The following SFRP2 variants were observed in gnomAD, a reference collection of about 807,000 sequenced individuals.
The protein encoded by SFRP2 is secreted frizzled related protein 2.
SFRP2 carries 16 observed loss-of-function variants against 26.0 expected under a neutral mutation model. That is an observed-to-expected ratio of 0.61 (90% CI 0.42 to 0.93). SFRP2 has a LOEUF of 0.93. Ranked by LOEUF, SFRP2 falls within the 40% of genes least tolerant of loss-of-function variation. SFRP2 has a pLI of 0.00. For missense variants in SFRP2, 343 were observed against 392.4 expected (o/e 0.87, Z 1.06); for synonymous variants, 173 against 167.3 (o/e 1.03, Z -0.26).
At chr4:153,787,955 A>G (rs1054521383) in intron 1 of SFRP2, among the ~76,000 whole-genome samples, 1 of 152,246 alleles carries the variant, frequency 6.6e-6, no homozygotes, top group Admixed American at 6.5e-5. Context: ...CTCCTCCACC[A>G]AACACCACTT....
At chr4:153,782,120 A>G (rs146847678) in intron 2 of SFRP2, among the ~76,000 whole-genome samples, 187 of 152,326 alleles carry the variant, frequency 1.2e-3, no homozygotes, top group Non-Finnish European at 1.6e-3. Context: ...AAACTTAAGC[A>G]TGAAAAGAAA....
In SFRP2 at chr4:153,781,430, G is replaced by C. The variant is rs754080507; in HGVS notation, c.*21C>G. The C allele has an allele frequency of 2.7e-5, 43 of 1,601,986 alleles. No homozygotes were observed. Among genetic ancestry groups the C allele is most frequent in the Admixed American group, 5.0e-5 (3 of 59,870 alleles). ...AGCCGTGCTCTGGAGCAGGCCTGTC[G>C]GAGCCATCAGGATGCCGGGACTAGC... On this transcript the variant is annotated 3_prime_UTR_variant, in exon 3 of 3. Coordinates refer to ENST00000274063, the MANE Select transcript of SFRP2 (RefSeq NM_003013.3).
chr4:153,786,712 C>T (rs1161504514), intron 1 of SFRP2, among the ~76,000 whole-genome samples: 1 of 152,040 alleles, frequency 6.6e-6, no homozygotes, highest in African/African-American at 2.4e-5. Flanking sequence ...TCAAAACAAA[C>T]AAATAAATAA....
intron 1 of SFRP2, 135 bp from the exon 2 acceptor site, chr4:153,786,079 A>G (rs972504855): frequency 1.2e-5 from 6 of 508,576 alleles, no homozygotes; most frequent in Middle Eastern, 3.5e-4. Flanking sequence ...TGCCTCCTCT[A>G]TAAAAGCAGG....
At position 153,781,788 on chromosome 4, in the gene SFRP2, TATA is replaced by T. The variant is rs762008694; in HGVS notation, c.584-36_584-34del. ...GGAGGGCAGAAAGAGTCATGCCAGTTATAATGAGGGAATACAGTATACCTCCCC... is the reference window on the plus strand; with the variant it reads ...GGAGGGCAGAAAGAGTCATGCCAGTTATGAGGGAATACAGTATACCTCCCC... On this transcript the variant is annotated intron_variant, in intron 2 of 2. Coordinates refer to ENST00000274063, the MANE Select transcript of SFRP2 (RefSeq NM_003013.3). 5.1e-6 allele frequency: 8 copies of T among 1,580,990 alleles called. No individual in the cohort carries two copies. The African/African-American group carries it at 6.7e-5, about 13-fold the overall frequency.
At chr4:153,784,261 T>C (rs997002750) in intron 2 of SFRP2, among the ~76,000 whole-genome samples, 1 of 152,258 alleles carries the variant, frequency 6.6e-6, no homozygotes, top group African/African-American at 2.4e-5. Flanking sequence ...GATATTTTTC[T>C]ATCTTGCCCT....
Position 153,785,554 on chromosome 4 carries a change from C to CAAAAAAAAAAAAAAAAAAAAAAAAAAA in SFRP2, c.583+309_583+310insTTTTTTTTTTTTTTTTTTTTTTTTTTT. Among the ~76,000 whole-genome samples the CAAAAAAAAAAAAAAAAAAAAAAAAAAA allele has an allele frequency of 4.3e-5, 2 of 46,470 alleles. 1 individual carries two copies. Among genetic ancestry groups the CAAAAAAAAAAAAAAAAAAAAAAAAAAA allele is most frequent in the Non-Finnish European group, 7.7e-5 (2 of 25,868 alleles). 30.5% of individuals were successfully genotyped at this position (46,470 alleles called of 152,430 possible). ...TAGAACTCGGGATTATGCCTGTCGGCAAAAAAAAAAAAAAAAAAAAAGGGA... is the reference window on the plus strand; with the variant it reads ...TAGAACTCGGGATTATGCCTGTCGGCAAAAAAAAAAAAAAAAAAAAAAAAAAAAAAAAAAAAAAAAAAAAAAAAGGGA... On this transcript the variant is annotated intron_variant, in intron 2 of 2. Coordinates refer to ENST00000274063, the MANE Select transcript of SFRP2 (RefSeq NM_003013.3).
At chr4:153,786,070 GCCT>G in intron 1 of SFRP2, 126 bp from the exon 2 acceptor site, 1 of 505,276 alleles carries the variant, frequency 2.0e-6, no homozygotes, top group South Asian at 3.5e-5. Context: ...CTCAGCTTCT[GCCT>G]CCTCTATAAA....
At chr4:153,786,951 C>T in intron 1 of SFRP2, among the ~76,000 whole-genome samples, 1 of 151,568 alleles carries the variant, frequency 6.6e-6, no homozygotes, top group African/African-American at 2.4e-5. Context: ...GAGATTTTCA[C>T]TAATGTGAAA....
At chr4:153,788,099 C>T (rs952008038) in intron 1 of SFRP2, among the ~76,000 whole-genome samples, 3 of 152,174 alleles carry the variant, frequency 2.0e-5, no homozygotes, top group South Asian at 4.1e-4. Context: ...TTAAACTGCC[C>T]TTAAGTATAG....
Position 153,781,034 on chromosome 4 carries a change from A to G in SFRP2, c.*417T>C, listed in dbSNP as rs1741109951. On this transcript the variant is annotated 3_prime_UTR_variant, in exon 3 of 3. Coordinates refer to ENST00000274063, the MANE Select transcript of SFRP2 (RefSeq NM_003013.3). ...GGTTTGTGACCCACAAGTTTGGGCC[A>G]CAGAGAAAATTGAAGCAATTTGCAT... is the stretch of plus-strand genomic sequence containing the variant. The G allele has an allele frequency of 1.6e-5, 3 of 182,014 alleles. No individual in the cohort carries two copies. The South Asian group carries it at 4.2e-4, about 26-fold the overall frequency. The allele number at this position is 182,014 out of a possible 1,614,324, so 11.3% of individuals were successfully genotyped here. A position where few individuals can be genotyped will look rare whatever the true frequency, so the allele number is the denominator to read the frequency against.
rs1319836346 is a variant in SFRP2 at position 153,785,931 on chromosome 4, A to C, written c.516T>G (p.Cys172Trp). The C allele has an allele frequency of 1.2e-6, 2 of 1,600,878 alleles. No individual in the cohort carries two copies. Among genetic ancestry groups the C allele is most frequent in the South Asian group, 2.3e-5 (2 of 88,390 alleles). The stretch of plus-strand genomic sequence containing the variant: ...CATCATTTTTATTTTTGCAGGCTTC[A>C]CATACCTTTGGAGCTAGAAATGTGA... ...LPATEEAPKV[C>W]EACKNKNDDD... Residue 172 changes from cysteine to tryptophan, a missense_variant, in exon 2 of 3, where the codon TGT becomes TGG. Physicochemically the swap from Cys to Trp is radical, Grantham distance 215. This residue lies in a region of SFRP2 where 251 missense variants were observed against 253.3 expected (regional missense o/e 0.99). Coordinates refer to ENST00000274063, the MANE Select transcript of SFRP2 (RefSeq NM_003013.3).
At chr4:153,785,402 C>G (rs1363685319) in intron 2 of SFRP2, among the ~76,000 whole-genome samples, 1 of 151,822 alleles carries the variant, frequency 6.6e-6, no homozygotes, top group African/African-American at 2.4e-5. Context: ...GGTTTAAAAT[C>G]ATTATGGGTT....
In SFRP2 at chr4:153,785,923, C is replaced by G; in HGVS notation, c.524G>C (p.Cys175Ser). The G allele has an allele frequency of 6.2e-7, 1 of 1,603,180 alleles. No individual in the cohort carries two copies. The highest frequency in any genetic ancestry group is 1.3e-5 in the African/African-American group (1 of 74,506). The change falls in exon 2 of 3, where the codon TGC becomes TCC. Residue 175 changes from cysteine to serine, a missense_variant. Coordinates refer to ENST00000274063, the MANE Select transcript of SFRP2 (RefSeq NM_003013.3). ...GTTGTCATCATCATTTTTATTTTTG[C>G]AGGCTTCACATACCTTTGGAGCTAG... The part of the protein sequence containing the change: ...TEEAPKVCEA[C>S]KNKNDDDNDI...
chr4:153,789,032 G>A lies in SFRP2; in HGVS notation c.-197C>T, dbSNP rs1414812435. On this transcript the variant is annotated 5_prime_UTR_variant, in exon 1 of 3. Coordinates refer to ENST00000274063, the MANE Select transcript of SFRP2 (RefSeq NM_003013.3). ...CGGGCGAGGCGCTGCAAGCCCGCGC[G>A]CAGCTCCGGGGGGCTCCGACCCGGG... 3.5e-6 allele frequency: 2 copies of A among 574,888 alleles called. No individual in the cohort carries two copies. Among genetic ancestry groups the A allele is most frequent in the African/African-American group, 4.0e-5 (2 of 49,916 alleles). The allele number at this position is 574,888 out of a possible 1,614,324, so 35.6% of individuals were successfully genotyped here. A position where few individuals can be genotyped will look rare whatever the true frequency, so the allele number is the denominator to read the frequency against.
Position 153,785,907 on chromosome 4 carries a change from A to T in SFRP2, c.540T>A (p.Asp180Glu), listed in dbSNP as rs751372172. 3 of 1,604,892 alleles carry T rather than the reference A, an allele frequency of 1.9e-6. No homozygotes were observed. In the East Asian group the frequency reaches 6.8e-5, roughly 36 times the overall value. ...GCGTTTCCATTATGTCGTTGTCATC[A>T]TCATTTTTATTTTTGCAGGCTTCAC... ...KVCEACKNKN[D>E]DDNDIMETLC... is the part of the protein sequence containing the mutation. The change falls in exon 2 of 3, where the codon GAT (aspartate) becomes GAA (glutamate). Residue 180 changes from aspartate (D) to glutamate (E), a missense_variant. Around this residue, in one of 2 missense-constraint regions of SFRP2, gnomAD observed 251 missense variants for 253.3 expected, o/e 0.99. Transcript: ENST00000274063.
chr4:153,786,353 G>T (rs1741209388), intron 1 of SFRP2, among the ~76,000 whole-genome samples: 1 of 152,176 alleles, frequency 6.6e-6, no homozygotes, highest in African/African-American at 2.4e-5. Flanking sequence ...AGCACCCAAA[G>T]AACCAAAGAT....
chr4:153,784,460 T>G (rs557786916), intron 2 of SFRP2, among the ~76,000 whole-genome samples: 3 of 152,336 alleles, frequency 2.0e-5, no homozygotes, highest in East Asian at 1.9e-4. Flanking sequence ...CTAAGGACTT[T>G]GAGCTACCTC....
intron 2 of SFRP2, among the ~76,000 whole-genome samples, chr4:153,782,978 TTTTC>T (rs1299322400): frequency 2.7e-5 from 4 of 148,168 alleles, no homozygotes; most frequent in Non-Finnish European, 5.9e-5. Context: ...GTTTTTGAGA[TTTTC>T]TTTTTTTTTT....
Sources: gnomAD v4.1 joint callset for allele counts (sites outside exome capture counted in the v4.1 genomes callset) on GRCh38, gnomAD v4.1.1 for gene constraint, gnomAD v4.1.1 regional missense constraint, MANE v1.5 for transcripts, NCBI Gene and HGNC (gene_info 2026-07-23, HGNC 2026-07-21) for gene names.